GRM4: variants seen among roughly 807,000 people sequenced by gnomAD.
The protein encoded by GRM4 is glutamate metabotropic receptor 4.
A neutral mutation model predicts 81.7 loss-of-function variants in GRM4; 28 were observed. The ratio of observed to expected loss-of-function variants is 0.34; its 90% CI spans 0.25 to 0.47. GRM4 has a LOEUF of 0.47. GRM4 is among the 20% of genes least tolerant of loss of function. The probability of loss-of-function intolerance (pLI) is 1.00; values close to 1 mark genes in which losing one functional copy is unlikely to be tolerated. For missense variants in GRM4, 948 were observed against 1,290.0 expected, an observed-to-expected ratio of 0.73 and a Z score of 4.06; for synonymous variants, 488 against 528.8, an observed-to-expected ratio of 0.92 and a Z score of 1.06.
At chr6:34,054,280 G>A (rs987380463) in intron 6 of GRM4, 2 of 151,746 alleles carry the variant, frequency 1.3e-5, no homozygotes, top group Non-Finnish European at 2.9e-5. Context: ...TCGTACCTCG[G>A]CCCCCCGAGT....
rs757082022 is a variant in GRM4 at position 34,036,337 on chromosome 6, G to A, written c.1773C>T (p.Pro591=). The part of the protein sequence containing the change: ...LEWGSPWAVL[P]LFLAVVGIAA... ...CGATGCCCACCACGGCCAGGAAGAGGGGCAGCACGGCCCAGGGCGAGCCCC... is the reference window on the plus strand; with the variant it reads ...CGATGCCCACCACGGCCAGGAAGAGAGGCAGCACGGCCCAGGGCGAGCCCC... The change falls in exon 9 of 11, where the codon CCC becomes CCT. Residue 591 remains proline (P), a synonymous_variant. Coordinates refer to ENST00000538487, the MANE Select transcript of GRM4 (RefSeq NM_000841.4). This position sits in a 1 kb window ranked among gnomAD's most constrained non-coding sequence, Gnocchi z 9.0. 3.1e-6 allele frequency: 5 copies of A among 1,613,976 alleles called. No homozygotes were observed. Among genetic ancestry groups the A allele is most frequent in the Non-Finnish European group, 4.2e-6 (5 of 1,179,982 alleles).
chr6:34,084,445 C>T (rs1002219640), intron 3 of GRM4, among the ~76,000 whole-genome samples: 9 of 152,138 alleles, frequency 5.9e-5, no homozygotes, highest in African/African-American at 2.2e-4. Flanking sequence ...GAAAACTCCA[C>T]CCCCGCCTGC....
chr6:34,149,925 C>A (rs1771011583), upstream of GRM4, among the ~76,000 whole-genome samples: 1 of 152,230 alleles, frequency 6.6e-6, no homozygotes, highest in South Asian at 2.1e-4. Flanking sequence ...CTATTCCCTG[C>A]CCCTGCCTAG....
In GRM4 at chr6:34,058,998, G is replaced by A; in HGVS notation, c.1003C>T (p.Leu335Phe). The A allele has an allele frequency of 2.5e-6, 4 of 1,613,348 alleles. No homozygotes were observed. The highest frequency in any genetic ancestry group is 1.1e-5 in the South Asian group (1 of 91,030). Residue 335 changes from leucine to phenylalanine, a missense_variant, in exon 5 of 11, where the codon CTC (leucine) becomes TTC (phenylalanine). Leu to Phe is a conservative substitution (Grantham distance 22, BLOSUM62 0). Coordinates refer to ENST00000538487, the MANE Select transcript of GRM4 (RefSeq NM_000841.4). ...CCTCGTACGGACATCCTCTTGGGGA[G>A]GATCGTGACAGCACCCTCAGCCACC... is the stretch of plus-strand genomic sequence containing the variant. ...EEVAEGAVTI[L>F]PKRMSVRGFD...
intron 9 of GRM4, among the ~76,000 whole-genome samples, chr6:34,030,952 C>T (rs912574153): frequency 9.9e-5 from 15 of 152,214 alleles, no homozygotes; most frequent in Admixed American, 7.2e-4. Context: ...GGCTGCCCAC[C>T]GCCAGTTCTG....
At chr6:34,126,100 G>A (rs892336979) in intron 2 of GRM4, among the ~76,000 whole-genome samples, 2 of 152,168 alleles carry the variant, frequency 1.3e-5, no homozygotes, top group Non-Finnish European at 2.9e-5. Context: ...TAAGCATCAG[G>A]CCAGGTCTCA....
intron 1 of GRM4, among the ~76,000 whole-genome samples, chr6:34,144,042 C>T (rs891267281): frequency 6.6e-6 from 1 of 152,244 alleles, no homozygotes; most frequent in Non-Finnish European, 1.5e-5. Context: ...TTCTCCCGCG[C>T]CAGGGGCCGG....
rs73415073 is a variant in GRM4, at chr6:34,130,113, C to G, written c.519+2865G>C. Among the ~76,000 whole-genome samples, 1 of 152,094 alleles carries G rather than the reference C, an allele frequency of 6.6e-6. No individual in the cohort carries two copies. Among genetic ancestry groups the G allele is most frequent in the Non-Finnish European group, 1.5e-5 (1 of 68,022 alleles). ...CCTCTCCTTCCCGAGGCTCCTGCTC[C>G]CGACCTCCCTCCCCAAAGTTCAATC... On this transcript the variant is annotated intron_variant, in intron 2 of 10. Coordinates refer to ENST00000538487, the MANE Select transcript of GRM4 (RefSeq NM_000841.4). The surrounding 1 kb of genome is among the most constrained non-coding windows in gnomAD (Gnocchi z 4.1).
rs371634355 is a variant in GRM4 at position 34,130,293 on chromosome 6, G to T, written c.519+2685C>A. On this transcript the variant is annotated intron_variant, in intron 2 of 10. Coordinates refer to ENST00000538487, the MANE Select transcript of GRM4 (RefSeq NM_000841.4). This position sits in a 1 kb window ranked among gnomAD's most constrained non-coding sequence, Gnocchi z 4.1. ...GCCACAGCCGGCTGGTTTTCTCCCC[G>T]CTGTCCCTCCCTTTCCTTGCTGTCC... Among the ~76,000 whole-genome samples, 1 of 152,116 alleles carries T rather than the reference G, an allele frequency of 6.6e-6. No homozygotes were observed. Among genetic ancestry groups the T allele is most frequent in the South Asian group, 2.1e-4 (1 of 4,826 alleles).
chr6:34,147,625 AGTTGAG>A, upstream of GRM4, among the ~76,000 whole-genome samples: 4 of 152,322 alleles, frequency 2.6e-5, 1 homozygote, highest in Admixed American at 2.6e-4. Flanking sequence ...GAGGCCACCC[AGTTGAG>A]GGGGCTCAGG....
Position 34,121,985 on chromosome 6 carries a change from G to A in GRM4, c.519+10993C>T, listed in dbSNP as rs1415196817. The stretch of plus-strand genomic sequence containing the variant: ...AGGGAGGGGTCTGGGTGGGGCGGGT[G>A]CCCACCAGGAAGTGCTCAGTACTGA... On this transcript the variant is annotated intron_variant, in intron 2 of 10. Transcript: ENST00000538487. The surrounding 1 kb of genome is among the most constrained non-coding windows in gnomAD (Gnocchi z 4.6). Among the ~76,000 whole-genome samples the A allele has an allele frequency of 1.3e-5, 2 of 152,008 alleles. No homozygotes were observed. Among genetic ancestry groups the A allele is most frequent in the Non-Finnish European group, 2.9e-5 (2 of 68,008 alleles).
At position 34,136,193 on chromosome 6, in the gene GRM4, A is replaced by C. The variant is rs1770448162; in HGVS notation, c.-363-2334T>G. Reference sequence around the variant, plus strand: ...TGAGCTTCATGGTATTTTTATCCCTATCTCACAGATGAGGAAGCCAAGGCA... The same window carrying C: ...TGAGCTTCATGGTATTTTTATCCCTCTCTCACAGATGAGGAAGCCAAGGCA... On this transcript the variant is annotated intron_variant, in intron 1 of 10. Transcript: ENST00000538487. The surrounding 1 kb of genome is among the most constrained non-coding windows in gnomAD (Gnocchi z 4.1). Among the ~76,000 whole-genome samples, 1 of 152,156 alleles carries C rather than the reference A, an allele frequency of 6.6e-6. No individual in the cohort carries two copies. Among genetic ancestry groups the C allele is most frequent in the African/African-American group, 2.4e-5 (1 of 41,422 alleles).
rs1271009169 is a variant in GRM4, at chr6:34,074,247, C to T, written c.737-12219G>A. 6.6e-6 allele frequency among the ~76,000 whole-genome samples: 1 copy of T among 152,210 alleles called. No homozygotes were observed. Among genetic ancestry groups the T allele is most frequent in the African/African-American group, 2.4e-5 (1 of 41,448 alleles). ...ACCACCTACTGCTTCGTGATGAAAG[C>T]CACGTTGCCCACTCTCCAACCCTCC... On this transcript the variant is annotated intron_variant, in intron 3 of 10. Coordinates refer to ENST00000538487, the MANE Select transcript of GRM4 (RefSeq NM_000841.4). This position sits in a 1 kb window ranked among gnomAD's most constrained non-coding sequence, Gnocchi z 4.9.
intron 2 of GRM4, among the ~76,000 whole-genome samples, chr6:34,129,711 G>A (rs1770161731): frequency 1.3e-5 from 2 of 152,166 alleles, no homozygotes; most frequent in African/African-American, 4.8e-5. Flanking sequence ...GCCTGGGAGA[G>A]GGCACCCGGC....
At position 34,019,338 on chromosome 6, in the gene GRM4, AG is replaced by A. The variant is rs1002334997; in HGVS notation, c.*3482del. On this transcript the variant is annotated 3_prime_UTR_variant, in exon 11 of 11. Transcript: ENST00000538487. The stretch of plus-strand genomic sequence containing the variant: ...CCTGGAAGCTCCTGGGTGTCTGCTC[AG>A]GCTGGCAGCAGCCCAGCCTTGGGCT... The A allele has an allele frequency of 6.6e-6, 1 of 152,292 alleles. No homozygotes were observed. The highest frequency in any genetic ancestry group is 2.4e-5 in the African/African-American group (1 of 41,454). The allele number at this position is 152,292 out of a possible 1,614,324, so 9.4% of individuals were successfully genotyped here. A position where few individuals can be genotyped will look rare whatever the true frequency, so the allele number is the denominator to read the frequency against.
Position 34,133,493 on chromosome 6 carries a change from G to A in GRM4, c.4C>T (p.Pro2Ser), listed in dbSNP as rs770387296. Residue 2 changes from proline to serine, a missense_variant, in exon 2 of 11, where the codon CCT becomes TCT. Transcript: ENST00000538487. The surrounding 1 kb of genome is among the most constrained non-coding windows in gnomAD (Gnocchi z 6.5). ...CACCAGCCCAAGCCTCTCTTCCCAG[G>A]CATCTCGGAAATCCCTAGAGACCCA... Reference protein sequence around the residue: MPGKRGLGWWWA... With the variant: MSGKRGLGWWWA... 5 of 1,558,164 alleles carry A rather than the reference G, an allele frequency of 3.2e-6. No homozygotes were observed. Among genetic ancestry groups the A allele is most frequent in the Non-Finnish European group, 4.3e-6 (5 of 1,153,428 alleles).
chr6:34,077,793 G>A (rs1275608678), intron 3 of GRM4, among the ~76,000 whole-genome samples: 1 of 152,096 alleles, frequency 6.6e-6, no homozygotes, highest in African/African-American at 2.4e-5. Flanking sequence ...GATTCAGCTC[G>A]GGCCTCCTCC....
rs141584865 is a variant in GRM4, at chr6:34,152,231, C to T, written c.312+2848G>A. On this transcript the variant is annotated intron_variant, in intron 1 of 8. Transcript: ENST00000374177. The surrounding 1 kb of genome is among the most constrained non-coding windows in gnomAD (Gnocchi z 4.1). Reference sequence around the variant, plus strand: ...ACAGCTGACAAGACAGAGAGCTGGACGTAGGCCCCGGGACCTCCCACCGGC... The same window carrying T: ...ACAGCTGACAAGACAGAGAGCTGGATGTAGGCCCCGGGACCTCCCACCGGC... Among the ~76,000 whole-genome samples the T allele has an allele frequency of 8.6e-4, 131 of 152,270 alleles. 1 individual carries two copies. Among genetic ancestry groups the T allele is most frequent in the African/African-American group, 2.9e-3 (122 of 41,558 alleles).
At chr6:34,131,975 GCA>G (rs57261136) in intron 2 of GRM4, among the ~76,000 whole-genome samples, 15,881 of 149,264 alleles carry the variant, frequency 0.11, 1,387 homozygotes, top group African/African-American at 0.24. Context: ...ACACACACAT[GCA>G]CACACACACA....
Sources: allele counts gnomAD v4.1 joint callset (sites outside exome capture counted in the v4.1 genomes callset), GRCh38; gene constraint gnomAD v4.1.1; non-coding constraint Gnocchi (gnomAD v3.1); transcripts MANE v1.5; gene names NCBI Gene and HGNC (gene_info 2026-07-23, HGNC 2026-07-21).